WWC2: variants seen among roughly 807,000 people sequenced by gnomAD.
WWC2 encodes the protein protein WWC2.
A neutral mutation model predicts 138.5 loss-of-function variants in WWC2; 101 were observed. The observed-to-expected ratio is 0.73, with a 90% CI of 0.62 to 0.86. WWC2 has a LOEUF of 0.86. Ranked by LOEUF, WWC2 falls within the 40% of genes least tolerant of loss-of-function variation. The pLI is 0.00. For missense variants in WWC2, 1,420 were observed against 1,419.4 expected, an observed-to-expected ratio of 1.00 and a Z score of -0.01; for synonymous variants, 558 against 538.4, an observed-to-expected ratio of 1.04 and a Z score of -0.50.
intron 11 of WWC2, 112 bp downstream of exon 11, chr4:183,261,644 T>C: frequency 7.8e-7 from 1 of 1,275,196 alleles, no homozygotes; most frequent in Non-Finnish European, 1.0e-6. Flanking sequence ...CTCTTTCTTT[T>C]GAGTAATCGT....
rs1431352898 is a variant in WWC2, at chr4:183,228,968, C to T, written c.523-11215C>T. 3.3e-5 allele frequency among the ~76,000 whole-genome samples: 5 copies of T among 152,064 alleles called. 1 individual carries two copies. The highest frequency in any genetic ancestry group is 9.7e-5 in the African/African-American group (4 of 41,334). On this transcript the variant is annotated intron_variant, in intron 4 of 22. Coordinates refer to ENST00000403733, the MANE Select transcript of WWC2 (RefSeq NM_024949.6). The stretch of plus-strand genomic sequence containing the variant: ...GTGAAGCTAGACACAGAAGAGTACA[C>T]ACTGTATGAGTCCACTTATATTAAG...
Position 183,296,873 on chromosome 4 carries a change from GCAGTGAGCCGAGATCGCACCACTGCACTC to G in WWC2, c.3384+7242_3384+7270del, listed in dbSNP as rs1271765243. Among the ~76,000 whole-genome samples the G allele has an allele frequency of 3.5e-5, 5 of 141,332 alleles. No individual in the cohort carries two copies. The East Asian group carries it at 1.1e-3, about 32-fold the overall frequency. The allele number at this position is 141,332 out of a possible 152,430, so 92.7% of individuals were successfully genotyped here. On this transcript the variant is annotated intron_variant, in intron 21 of 22. Transcript: ENST00000403733. Reference sequence around the variant, plus strand: ...GGCGTGAACCCCGGAGGCGGAGCTTGCAGTGAGCCGAGATCGCACCACTGCACTCCAGCCTGGGCAACAGAGCGAGACTC... The same window carrying G: ...GGCGTGAACCCCGGAGGCGGAGCTTGCAGCCTGGGCAACAGAGCGAGACTC...
At chr4:183,204,779 C>T (rs868635431) in intron 2 of WWC2, among the ~76,000 whole-genome samples, 1 of 152,168 alleles carries the variant, frequency 6.6e-6, no homozygotes, top group African/African-American at 2.4e-5. Flanking sequence ...AAGTACTTCT[C>T]AGTACTGCTG....
intron 8 of WWC2, among the ~76,000 whole-genome samples, chr4:183,252,710 A>G (rs937064266): frequency 6.6e-6 from 1 of 152,232 alleles, no homozygotes; most frequent in Non-Finnish European, 1.5e-5. Context: ...CAGGGCTAGC[A>G]CAATAATGTA....
intron 1 of WWC2, among the ~76,000 whole-genome samples, chr4:183,107,139 CTTCTCTCTTT>C (rs1033446420): frequency 3.3e-5 from 5 of 151,952 alleles, no homozygotes; most frequent in Non-Finnish European, 7.4e-5. Context: ...CTTCTCTTCT[CTTCTCTCTTT>C]TCTTTTTTTC....
Position 183,284,245 on chromosome 4 carries a change from C to T in WWC2, c.2903C>T (p.Thr968Ile). 1.2e-6 allele frequency: 2 copies of T among 1,613,980 alleles called. No individual in the cohort carries two copies. The highest frequency in any genetic ancestry group is 2.2e-5 in the East Asian group (1 of 44,892). ...TTATAGGTTGACAAAGAGACAAACACTGATGAAGCCGCTAATGACAATATG... is the reference window on the plus strand; with the variant it reads ...TTATAGGTTGACAAAGAGACAAACATTGATGAAGCCGCTAATGACAATATG... ...IPTLVDKETN[T>I]DEAANDNMAV... The change falls in exon 19 of 23, where the codon ACT (threonine) becomes ATT (isoleucine). Residue 968 changes from threonine to isoleucine, a missense_variant. By Grantham distance (89) the Thr-to-Ile change is moderately conservative. Transcript: ENST00000403733.
At chr4:183,140,902 G>A (rs1733282072) in intron 1 of WWC2, among the ~76,000 whole-genome samples, 1 of 152,146 alleles carries the variant, frequency 6.6e-6, no homozygotes, top group Non-Finnish European at 1.5e-5. Flanking sequence ...TAATAACTAT[G>A]TAACCTCTCT....
In WWC2 at chr4:183,320,170, A is replaced by T. The variant is rs752358732; in HGVS notation, c.*4441A>T. The stretch of plus-strand genomic sequence containing the variant: ...CAGGATAAAACCCATCCCAGCAAAG[A>T]TAATGAAACTCCAGCTAGTTGAGCT... On this transcript the variant is annotated 3_prime_UTR_variant, in exon 23 of 23. Transcript: ENST00000403733. 6.8e-6 allele frequency: 11 copies of T among 1,614,162 alleles called. No homozygotes were observed. Among genetic ancestry groups the T allele is most frequent in the Non-Finnish European group, 9.3e-6 (11 of 1,180,022 alleles).
chr4:183,243,284 T>C (rs1458176396), intron 5 of WWC2, among the ~76,000 whole-genome samples: 1 of 152,238 alleles, frequency 6.6e-6, no homozygotes, highest in Non-Finnish European at 1.5e-5. Flanking sequence ...ACTTGAGTTT[T>C]AGAAATTCAC....
chr4:183,294,345 A>T (rs539339008), intron 21 of WWC2, among the ~76,000 whole-genome samples: 4 of 152,352 alleles, frequency 2.6e-5, no homozygotes, highest in African/African-American at 9.6e-5. Context: ...TAGCCAAGGT[A>T]CTTTGGAAAA....
intron 2 of WWC2, among the ~76,000 whole-genome samples, chr4:183,199,291 C>A (rs1202628221): frequency 6.6e-6 from 1 of 152,046 alleles, no homozygotes; most frequent in African/African-American, 2.4e-5. Context: ...TGTCGGGAAT[C>A]TTTCAAAGCC....
chr4:183,320,028 C>A lies in WWC2; in HGVS notation c.*4299C>A. ...AGCCAGGAAGGAGTCAAAGTCCTTG[C>A]ATTGCATCCCCACTTCCTCTTGGAT... On this transcript the variant is annotated 3_prime_UTR_variant, in exon 23 of 23. Coordinates refer to ENST00000403733, the MANE Select transcript of WWC2 (RefSeq NM_024949.6). 1 of 1,614,022 alleles carries A rather than the reference C, an allele frequency of 6.2e-7. No homozygotes were observed. Among genetic ancestry groups the A allele is most frequent in the Non-Finnish European group, 8.5e-7 (1 of 1,179,934 alleles).
rs746541290 is a variant in WWC2, at chr4:183,245,225, TAAAAAA to T, written c.603-172_603-167del. On this transcript the variant is annotated intron_variant, in intron 5 of 22. Coordinates refer to ENST00000403733, the MANE Select transcript of WWC2 (RefSeq NM_024949.6). Reference sequence around the variant, plus strand: ...CTGGGCGACAGAACAAGACTCCATCTAAAAAAAAAAAAAAAAAAAAAAAAGAGAGAG... The same window carrying T: ...CTGGGCGACAGAACAAGACTCCATCTAAAAAAAAAAAAAAAAAAGAGAGAG... 7.0e-3 allele frequency among the ~76,000 whole-genome samples: 487 copies of T among 69,490 alleles called. 4 individuals carry two copies. The highest frequency in any genetic ancestry group is 0.02 in the African/African-American group (454 of 23,102). 45.6% of individuals were successfully genotyped at this position (69,490 alleles called of 152,430 possible).
intron 4 of WWC2, among the ~76,000 whole-genome samples, chr4:183,210,662 TCA>T (rs900994622): frequency 2.2e-4 from 33 of 152,154 alleles, no homozygotes; most frequent in African/African-American, 7.5e-4. Flanking sequence ...CCTGTGAACA[TCA>T]CAGAGTATAC....
At chr4:183,120,501 T>C (rs926746695) in intron 1 of WWC2, among the ~76,000 whole-genome samples, 1 of 152,198 alleles carries the variant, frequency 6.6e-6, no homozygotes, top group African/African-American at 2.4e-5. Context: ...TTGGAGATTA[T>C]GGAATTACTT....
At chr4:183,105,662 G>A (rs1051095752) in intron 1 of WWC2, among the ~76,000 whole-genome samples, 9 of 152,134 alleles carry the variant, frequency 5.9e-5, no homozygotes, top group African/African-American at 1.7e-4. Flanking sequence ...AGGCCAAGGC[G>A]GGTGGATCAC....
intron 1 of WWC2, among the ~76,000 whole-genome samples, chr4:183,178,262 G>GT (rs1734520622): frequency 6.6e-6 from 1 of 151,916 alleles, no homozygotes; most frequent in Non-Finnish European, 1.5e-5. Flanking sequence ...TAAAATCAGG[G>GT]CCAGAGAGTG....
intron 1 of WWC2, among the ~76,000 whole-genome samples, chr4:183,142,697 A>G (rs934116560): frequency 6.6e-6 from 1 of 152,166 alleles, no homozygotes; most frequent in Non-Finnish European, 1.5e-5. Flanking sequence ...GGATTTGAAT[A>G]CCCTTGCCCC....
At chr4:183,215,258 CA>C (rs1320826610) in intron 4 of WWC2, among the ~76,000 whole-genome samples, 3 of 152,220 alleles carry the variant, frequency 2.0e-5, no homozygotes, top group Non-Finnish European at 4.4e-5. Context: ...CTCTCTCTCT[CA>C]AAATATCTTA....
Sources: allele counts gnomAD v4.1 joint callset (sites outside exome capture counted in the v4.1 genomes callset), GRCh38; gene constraint gnomAD v4.1.1; transcripts MANE v1.5; gene names NCBI Gene and HGNC (gene_info 2026-07-23, HGNC 2026-07-21).